The following C13orf42 variants were observed in gnomAD, a reference collection of about 807,000 sequenced individuals.
C13orf42 encodes the protein uncharacterized protein C13orf42.
intron 1 of C13orf42, among the ~76,000 whole-genome samples, chr13:51,147,739 A>AAACAAAAAAAAACC (rs1953749210): frequency 6.6e-6 from 1 of 151,754 alleles, no homozygotes; most frequent in Non-Finnish European, 1.5e-5. Flanking sequence ...AAAAAAAAAC[A>AAACAAAAAAAAACC]ACGAAGGGGT....
chr13:51,129,465 G>A (rs73485873), intron 1 of C13orf42, among the ~76,000 whole-genome samples: 2,214 of 152,112 alleles, frequency 0.015, 39 homozygotes, highest in African/African-American at 0.047. Flanking sequence ...CTTCATGACC[G>A]ACAAGGGACC....
At chr13:51,133,747 G>A (rs1953636737) in intron 1 of C13orf42, among the ~76,000 whole-genome samples, 1 of 152,142 alleles carries the variant, frequency 6.6e-6, no homozygotes, top group Admixed American at 6.5e-5. Flanking sequence ...CCCAGTGGCT[G>A]TCAACCTTTT....
At chr13:51,145,130 A>AT (rs200505001) in intron 1 of C13orf42, among the ~76,000 whole-genome samples, 1 of 113,532 alleles carries the variant, frequency 8.8e-6, no homozygotes, top group Admixed American at 8.9e-5. Flanking sequence ...AATGTTTTCA[A>AT]TTTTTTTTCC....
intron 1 of C13orf42, chr13:51,161,644 C>T (rs1461241280): frequency 5.6e-6 from 1 of 178,912 alleles, no homozygotes; most frequent in Non-Finnish European, 1.2e-5. Flanking sequence ...TACCTTGCCT[C>T]ATCCATTCCT....
At chr13:51,163,477 A>G (rs1953882346) in intron 1 of C13orf42, among the ~76,000 whole-genome samples, 1 of 152,156 alleles carries the variant, frequency 6.6e-6, no homozygotes, top group East Asian at 1.9e-4. Flanking sequence ...GAGGACTTAC[A>G]TACATGGCAG....
chr13:51,121,326 T>C (rs1262468641), intron 1 of C13orf42, among the ~76,000 whole-genome samples: 1 of 152,068 alleles, frequency 6.6e-6, no homozygotes, highest in Non-Finnish European at 1.5e-5. Context: ...ATTTAATACT[T>C]GTTAGACCAG....
chr13:51,122,538 GA>G (rs541728426), intron 1 of C13orf42, among the ~76,000 whole-genome samples: 14,866 of 81,538 alleles, frequency 0.18, 777 homozygotes, highest in African/African-American at 0.28. Context: ...GTTCCAAAAA[GA>G]AAAAAAAAAA....
intron 1 of C13orf42, among the ~76,000 whole-genome samples, chr13:51,100,843 C>T (rs1318133456): frequency 6.6e-6 from 1 of 152,162 alleles, no homozygotes; most frequent in Non-Finnish European, 1.5e-5. Flanking sequence ...AAATGCCTTA[C>T]AGACATAGAG....
rs568015655 is a variant in C13orf42, at chr13:51,159,033, A to C, written n.136+13220T>G. On this transcript the variant is annotated intron_variant and non_coding_transcript_variant, in intron 1 of 4. Transcript: ENST00000433280. ...AGCTGGCCCCTTTCAATTTCCTCAC[A>C]GTTCTCAGGGACTGATTAGATGCCA... 9.8e-5 allele frequency among the ~76,000 whole-genome samples: 15 copies of C among 152,304 alleles called. No individual in the cohort carries two copies. In the East Asian group the frequency reaches 2.7e-3, roughly 27 times the overall value.
chr13:51,105,321 G>A (rs1437661054), intron 1 of C13orf42, among the ~76,000 whole-genome samples: 1 of 152,224 alleles, frequency 6.6e-6, no homozygotes, highest in African/African-American at 2.4e-5. Context: ...TCTCTCGCAA[G>A]ACCGACTACC....
chr13:51,116,399 A>C (rs1273698204), intron 1 of C13orf42, among the ~76,000 whole-genome samples: 2 of 152,232 alleles, frequency 1.3e-5, no homozygotes, highest in African/African-American at 2.4e-5. Flanking sequence ...CTTTGGATTT[A>C]ATTCTACAAG....
chr13:51,168,579 A>T (rs1193840927), intron 1 of C13orf42, among the ~76,000 whole-genome samples: 1 of 152,216 alleles, frequency 6.6e-6, no homozygotes, highest in Non-Finnish European at 1.5e-5. Flanking sequence ...GACTATGTAG[A>T]TAAAGGCAAC....
intron 3 of C13orf42, 117 bp from the exon 4 acceptor site, chr13:51,084,442 G>C (rs1953100193): frequency 2.5e-6 from 1 of 396,370 alleles, no homozygotes; most frequent in African/African-American, 2.1e-5. Context: ...CCCTAGTCCT[G>C]GGTCTTGGGG....
chr13:51,136,545 G>C (rs901696415), intron 1 of C13orf42, among the ~76,000 whole-genome samples: 7 of 152,186 alleles, frequency 4.6e-5, no homozygotes, highest in African/African-American at 1.7e-4. Context: ...CATGGGAGGG[G>C]CTATATACTT....
chr13:51,089,039 AG>A (rs1324091327), intron 1 of C13orf42, among the ~76,000 whole-genome samples: 2 of 152,212 alleles, frequency 1.3e-5, no homozygotes, highest in Admixed American at 1.3e-4. Flanking sequence ...AGAAGACTTG[AG>A]GAGAGGAAAA....
At chr13:51,101,491 C>T (rs557845851) in intron 1 of C13orf42, among the ~76,000 whole-genome samples, 15 of 151,878 alleles carry the variant, frequency 9.9e-5, no homozygotes, top group Admixed American at 3.3e-4. Flanking sequence ...CATGAATATA[C>T]GCAAACCATA....
At chr13:51,094,816 T>C (rs559454437) in intron 1 of C13orf42, among the ~76,000 whole-genome samples, 2 of 152,170 alleles carry the variant, frequency 1.3e-5, no homozygotes, top group East Asian at 3.9e-4. Flanking sequence ...TTTAATATGG[T>C]TTGGCTGTGT....
In C13orf42 at chr13:51,106,131, C is replaced by T. The variant is rs1953353169; in HGVS notation, c.414+4665G>A. Among the ~76,000 whole-genome samples, 2 of 152,162 alleles carry T rather than the reference C, an allele frequency of 1.3e-5. 1 individual carries two copies. The highest frequency in any genetic ancestry group is 4.1e-4 in the South Asian group (2 of 4,824). ...AATGCTACAGAGACCTAGAGTAAAA[C>T]TGGAATCACAGGTAGCCATGTGAAA... On this transcript the variant is annotated intron_variant, in intron 1 of 3. Coordinates refer to ENST00000563710, the MANE Select transcript of C13orf42 (RefSeq NM_001351589.3).
At chr13:51,101,786 G>A (rs550583451) in intron 1 of C13orf42, among the ~76,000 whole-genome samples, 2 of 152,308 alleles carry the variant, frequency 1.3e-5, no homozygotes, top group African/African-American at 4.8e-5. Context: ...AGGCTCAGAC[G>A]CAGGGAGGAG....
Sources: gnomAD v4.1 joint callset for allele counts (sites outside exome capture counted in the v4.1 genomes callset) on GRCh38, gnomAD v4.1.1 for gene constraint, MANE v1.5 for transcripts, NCBI Gene and HGNC (gene_info 2026-07-23, HGNC 2026-07-21) for gene names.